SERPINC1: variants seen among roughly 807,000 people sequenced by gnomAD.
The protein encoded by SERPINC1 is serpin family C member 1.
A neutral mutation model predicts 43.4 loss-of-function variants in SERPINC1; 12 were observed. That is an observed-to-expected ratio of 0.28 (90% CI 0.18 to 0.45). The LOEUF is 0.45. Among genes scored for constraint, SERPINC1 ranks in the 20% least tolerant of loss-of-function variants. SERPINC1 has a pLI of 1.00. For missense variants in SERPINC1, 423 were observed against 578.8 expected (o/e 0.73, Z 2.76); for synonymous variants, 210 against 218.9 (o/e 0.96, Z 0.36).
intron 5 of SERPINC1, 145 bp downstream of exon 5, chr1:173,909,407 G>T: frequency 3.5e-6 from 3 of 848,432 alleles, no homozygotes; most frequent in Non-Finnish European, 5.5e-6. Flanking sequence ...AAGGAAAAGA[G>T]ATTTCCACAA....
At chr1:173,914,000 C>T (rs1657881868) in intron 2 of SERPINC1, among the ~76,000 whole-genome samples, 1 of 151,950 alleles carries the variant, frequency 6.6e-6, no homozygotes, top group Non-Finnish European at 1.5e-5. Flanking sequence ...ATTGCTTGAA[C>T]CTGGGAGGCA....
chr1:173,903,902 G>A lies in SERPINC1; in HGVS notation c.1382C>T (p.Pro461Leu), dbSNP rs121909564. 1 of 1,614,084 alleles carries A rather than the reference G, an allele frequency of 6.2e-7. No homozygotes were observed. The highest frequency in any genetic ancestry group is 2.2e-5 in the East Asian group (1 of 44,876). ...AATAAGAACATTTTACTTAACACAA[G>A]GGTTGGCTACTCTGCCCATGAAGAT... Reference protein sequence around the residue: ...TIIFMGRVANPCVK With the variant: ...TIIFMGRVANLCVK The change falls in exon 7 of 7, where the codon CCT becomes CTT. Residue 461 changes from proline to leucine, a missense_variant. Pro to Leu is a moderately conservative substitution (Grantham distance 98). Transcript: ENST00000367698.
chr1:173,908,389 C>T (rs1657618493), intron 5 of SERPINC1, among the ~76,000 whole-genome samples: 1 of 147,300 alleles, frequency 6.8e-6, no homozygotes, highest in Non-Finnish European at 1.5e-5. Flanking sequence ...CCTTGGGAGG[C>T]TGAGGCAGGA....
Position 173,914,729 on chromosome 1 carries a change from G to A in SERPINC1, c.232C>T (p.Arg78Trp), listed in dbSNP as rs374205395. Residue 78 changes from arginine (R) to tryptophan (W), a missense_variant, in exon 2 of 7, where the codon CGG becomes TGG. Arg to Trp is a moderately radical substitution (Grantham distance 101, BLOSUM62 -3). Transcript: ENST00000367698. ...GCCTTGGACAGTTCCCAGACACGCC[G>A]GTTGGTGGCCTCCGGGATCTTCTGT... ...SEQKIPEATN[R>W]RVWELSKANS... The A allele has an allele frequency of 1.2e-5, 20 of 1,614,220 alleles. No homozygotes were observed. The Middle Eastern group carries it at 8.3e-4, about 67-fold the overall frequency.
chr1:173,913,854 C>CAAA (rs71707849), intron 2 of SERPINC1, among the ~76,000 whole-genome samples: 1 of 90,270 alleles, frequency 1.1e-5, no homozygotes, highest in African/African-American at 3.5e-5. Flanking sequence ...GACTCCGTCT[C>CAAA]AAAAAAAAAA....
intron 4 of SERPINC1, 58 bp downstream of exon 4, chr1:173,910,696 G>A: frequency 1.9e-6 from 3 of 1,576,674 alleles, no homozygotes; most frequent in East Asian, 2.2e-5. Flanking sequence ...AAAAAAAAGG[G>A]GGTAAGCTGA....
chr1:173,906,840 G>A (rs760767445), intron 6 of SERPINC1, among the ~76,000 whole-genome samples: 9 of 152,086 alleles, frequency 5.9e-5, no homozygotes, highest in Non-Finnish European at 1.2e-4. Context: ...TAGGTTGGCC[G>A]GGTGCAGTGG....
intron 6 of SERPINC1, 62 bp from the exon 7 acceptor site, chr1:173,904,127 A>G (rs1481234222): frequency 6.7e-7 from 1 of 1,488,498 alleles, no homozygotes; most frequent in Admixed American, 1.7e-5. Flanking sequence ...TTGGCAGGTA[A>G]ATCATCCACA....
chr1:173,908,055 C>G (rs1190188502), intron 5 of SERPINC1, among the ~76,000 whole-genome samples: 1 of 150,930 alleles, frequency 6.6e-6, no homozygotes, highest in Non-Finnish European at 1.5e-5. Flanking sequence ...TTCAGCATGG[C>G]TCCTGATAAT....
intron 6 of SERPINC1, among the ~76,000 whole-genome samples, chr1:173,906,945 C>T (rs1344352035): frequency 6.6e-6 from 1 of 152,142 alleles, no homozygotes; most frequent in East Asian, 1.9e-4. Flanking sequence ...TGGAGAAACC[C>T]TGTTTCTACT....
In SERPINC1 at chr1:173,909,565, C is replaced by T. The variant is rs1657671913; in HGVS notation, c.1140G>A (p.Lys380=). 1 of 1,613,790 alleles carries T rather than the reference C, an allele frequency of 6.2e-7. No individual in the cohort carries two copies. The highest frequency in any genetic ancestry group is 1.3e-5 in the African/African-American group (1 of 74,944). The part of the protein sequence containing the change: ...MGLVDLFSPE[K]SKLPGIVAEG... ...TCCTAGACAAACCTGGGAGTTTGGACTTTTCAGGGCTGAACAGATCGACAA... is the reference window on the plus strand; with the variant it reads ...TCCTAGACAAACCTGGGAGTTTGGATTTTTCAGGGCTGAACAGATCGACAA... The change falls in exon 5 of 7, where the codon AAG becomes AAA. Residue 380 remains lysine (K), a synonymous_variant. Coordinates refer to ENST00000367698, the MANE Select transcript of SERPINC1 (RefSeq NM_000488.4).
chr1:173,916,656 C>T (rs1348754870), intron 1 of SERPINC1, among the ~76,000 whole-genome samples: 3 of 152,182 alleles, frequency 2.0e-5, no homozygotes, highest in Admixed American at 1.3e-4. Context: ...AAATTAAAAC[C>T]AAGACAGTTG....
Position 173,915,975 on chromosome 1 carries a change from G to GTCAA in SERPINC1, c.42-1060_42-1057dup, listed in dbSNP as rs538259268. On this transcript the variant is annotated intron_variant, in intron 1 of 6. Coordinates refer to ENST00000367698, the MANE Select transcript of SERPINC1 (RefSeq NM_000488.4). ...CCTCCTCATTTAGTCAAACCCCAGA[G>GTCAA]TCAATCAGTTCACCCCAGAGTCAAT... 3.9e-3 allele frequency among the ~76,000 whole-genome samples: 601 copies of GTCAA among 152,196 alleles called. 3 individuals carry two copies. Among genetic ancestry groups the GTCAA allele is most frequent in the Middle Eastern group, 0.014 (4 of 292 alleles).
In SERPINC1 at chr1:173,911,828, C is replaced by T. The variant is rs778341415; in HGVS notation, c.595G>A (p.Gly199Arg). The T allele has an allele frequency of 3.3e-5, 54 of 1,614,018 alleles. No homozygotes were observed. Among genetic ancestry groups the T allele is most frequent in the Admixed American group, 1.3e-4 (8 of 59,994 alleles). The change falls in exon 3 of 7, where the codon GGA (glycine) becomes AGA (arginine). Residue 199 changes from glycine (G) to arginine (R), a missense_variant. Transcript: ENST00000367698. ...TYQDISELVY[G>R]AKLQPLDFKE... is the part of the protein sequence containing the mutation. ...AAGTCCAGGGGCTGGAGCTTGGCTC[C>T]ATATACCAACTCACTGATGTCCTGG...
chr1:173,907,621 A>G (rs1187960551), intron 5 of SERPINC1, 107 bp from the exon 6 acceptor site: 6 of 817,440 alleles, frequency 7.3e-6, no homozygotes, highest in Admixed American at 3.4e-5. Flanking sequence ...TTTTTGAAAC[A>G]TAAGAAGAAA....
rs1479495380 is a variant in SERPINC1 at position 173,909,592 on chromosome 1, G to A, written c.1113C>T (p.Gly371=). ...TTTCAGGGCTGAACAGATCGACAAG[G>A]CCCATGTCTTGCAGCTGCTCCTTCA... ...FSLKEQLQDM[G]LVDLFSPEKS... The change falls in exon 5 of 7, where the codon GGC becomes GGT. Residue 371 remains glycine (G), a synonymous_variant. Transcript: ENST00000367698. 1.2e-6 allele frequency: 2 copies of A among 1,613,908 alleles called. No homozygotes were observed. Among genetic ancestry groups the A allele is most frequent in the African/African-American group, 1.3e-5 (1 of 74,926 alleles).
chr1:173,903,994 G>A lies in SERPINC1; in HGVS notation c.1290C>T (p.Asn430=). 2 of 1,614,178 alleles carry A rather than the reference G, an allele frequency of 1.2e-6. No individual in the cohort carries two copies. The highest frequency in any genetic ancestry group is 1.7e-6 in the Non-Finnish European group (2 of 1,180,008). ...VVIAGRSLNP[N]RVTFKANRPF... is the part of the protein sequence containing the mutation. ...GCCTGTTGGCCTTGAAAGTCACCCT[G>A]TTGGGGTTTAGCGAACGGCCAGCAA... The change falls in exon 7 of 7, where the codon AAC becomes AAT. Residue 430 remains asparagine, a synonymous_variant. Coordinates refer to ENST00000367698, the MANE Select transcript of SERPINC1 (RefSeq NM_000488.4).
intron 2 of SERPINC1, among the ~76,000 whole-genome samples, chr1:173,913,363 TG>T (rs1557903675): frequency 6.6e-6 from 1 of 151,928 alleles, no homozygotes; most frequent in Admixed American, 6.6e-5. Flanking sequence ...CAAAAGGCAG[TG>T]GGGGGAAGGG....
rs553195903 is a variant in SERPINC1 at position 173,911,264 on chromosome 1, G to A, written c.625-373C>T. ...CAGGGGAAGCAATGAATGATTGCAG[G>A]TTATATGGGGTTGGCAGGTTATATG... On this transcript the variant is annotated intron_variant, in intron 3 of 6. Transcript: ENST00000367698. Among the ~76,000 whole-genome samples the A allele has an allele frequency of 2.6e-5, 4 of 152,270 alleles. No individual in the cohort carries two copies. The South Asian group carries it at 8.3e-4, about 32-fold the overall frequency.
Sources: allele counts gnomAD v4.1 joint callset (sites outside exome capture counted in the v4.1 genomes callset), GRCh38; gene constraint gnomAD v4.1.1; transcripts MANE v1.5; gene names NCBI Gene and HGNC (gene_info 2026-07-23, HGNC 2026-07-21).